CSMD1: variants seen among roughly 807,000 people sequenced by gnomAD.
CSMD1 encodes the protein CUB and sushi domain-containing protein 1.
Under a neutral mutation model 417.5 loss-of-function variants are expected in CSMD1, and 213 were observed. The observed-to-expected ratio is 0.51, with a 90% CI of 0.46 to 0.57. The LOEUF (loss-of-function observed/expected upper bound fraction) is 0.57. CSMD1 is among the 20% of genes least tolerant of loss of function. CSMD1 has a pLI of 0.00. For missense variants in CSMD1, 6,923 were observed against 4,529.7 expected, an observed-to-expected ratio of 1.53 and a Z score of -15.17; for synonymous variants, 2,862 against 1,736.8, an observed-to-expected ratio of 1.65 and a Z score of -16.11.
At chr8:3,216,956 C>T (rs1563152036) in intron 29 of CSMD1, among the ~76,000 whole-genome samples, 1 of 152,184 alleles carries the variant, frequency 6.6e-6, no homozygotes, top group Admixed American at 6.5e-5. Flanking sequence ...TAGATGCAAT[C>T]ACTGCCCTAG....
At chr8:3,702,304 G>C (rs897548732) in intron 7 of CSMD1, 1 of 152,074 alleles carries the variant, frequency 6.6e-6, no homozygotes, top group Admixed American at 6.5e-5. Context: ...ATATCGAATT[G>C]GGCAAGTCAT....
intron 10 of CSMD1, among the ~76,000 whole-genome samples, chr8:3,550,895 C>T (rs901878546): frequency 1.3e-5 from 2 of 152,136 alleles, no homozygotes; most frequent in Non-Finnish European, 2.9e-5. Context: ...TGCTTCCACT[C>T]GAAAATAGGA....
intron 1 of CSMD1, among the ~76,000 whole-genome samples, chr8:4,876,277 C>T (rs1468183248): frequency 1.3e-5 from 2 of 152,020 alleles, no homozygotes; most frequent in Non-Finnish European, 2.9e-5. Flanking sequence ...AATTCATATG[C>T]TGCAATCATT....
In CSMD1 at chr8:3,782,388, C is replaced by T. The variant is rs186681968; in HGVS notation, c.819-28346G>A. 6.6e-5 allele frequency among the ~76,000 whole-genome samples: 10 copies of T among 152,160 alleles called. No individual in the cohort carries two copies. The East Asian group carries it at 1.4e-3, about 21-fold the overall frequency. Reference sequence around the variant, plus strand: ...AGTCAATCTTTAACCTGAATAATCACGATAAACTAAAAAATAGACTATAAA... The same window carrying T: ...AGTCAATCTTTAACCTGAATAATCATGATAAACTAAAAAATAGACTATAAA... On this transcript the variant is annotated intron_variant, in intron 5 of 69. Transcript: ENST00000635120.
chr8:4,600,208 G>C (rs1800509537), intron 2 of CSMD1, among the ~76,000 whole-genome samples: 1 of 119,708 alleles, frequency 8.4e-6, no homozygotes, highest in East Asian at 2.7e-4. Flanking sequence ...TTCCATATCT[G>C]GCCATGGACC....
At chr8:3,284,387 A>G in intron 25 of CSMD1, 41 bp from the exon 26 acceptor site, 2 of 1,486,028 alleles carry the variant, frequency 1.3e-6, no homozygotes, top group Non-Finnish European at 1.9e-6. Flanking sequence ...CCGTGCATCG[A>G]GCATGTCCTG....
At chr8:4,070,439 G>A (rs889136709) in intron 3 of CSMD1, among the ~76,000 whole-genome samples, 5 of 151,846 alleles carry the variant, frequency 3.3e-5, no homozygotes, top group Admixed American at 2.6e-4. Flanking sequence ...CTCACTGCAA[G>A]CTCCGCCTCC....
rs959381651 is a variant in CSMD1 at position 4,232,376 on chromosome 8, C to A, written c.415+187577G>T. Among the ~76,000 whole-genome samples the A allele has an allele frequency of 9.9e-5, 15 of 151,928 alleles. 1 individual carries two copies. The highest frequency in any genetic ancestry group is 3.3e-4 in the Admixed American group (5 of 15,238). ...ATTAAGCCTGACTAATTTTTGTATTCTTAGTAGAGACGGGGTTTCCCCACG... is the reference window on the plus strand; with the variant it reads ...ATTAAGCCTGACTAATTTTTGTATTATTAGTAGAGACGGGGTTTCCCCACG... On this transcript the variant is annotated intron_variant, in intron 3 of 69. Coordinates refer to ENST00000635120, the MANE Select transcript of CSMD1 (RefSeq NM_033225.6).
intron 8 of CSMD1, among the ~76,000 whole-genome samples, chr8:3,595,704 G>A (rs577278949): frequency 6.6e-6 from 1 of 152,180 alleles, no homozygotes; most frequent in Non-Finnish European, 1.5e-5. Flanking sequence ...TTTTGTGTGA[G>A]GGAATTTGAT....
chr8:3,471,954 T>A (rs1347095457), intron 11 of CSMD1, among the ~76,000 whole-genome samples: 1 of 152,140 alleles, frequency 6.6e-6, no homozygotes, highest in Non-Finnish European at 1.5e-5. Flanking sequence ...TTTTCCCTTC[T>A]CCCTTTGGGA....
At chr8:4,126,749 T>G (rs905845018) in intron 3 of CSMD1, among the ~76,000 whole-genome samples, 2 of 152,132 alleles carry the variant, frequency 1.3e-5, no homozygotes, top group Non-Finnish European at 2.9e-5. Flanking sequence ...AACAAAAAAA[T>G]AAACATACAA....
chr8:4,167,212 G>A (rs369714131), intron 3 of CSMD1, among the ~76,000 whole-genome samples: 1 of 151,982 alleles, frequency 6.6e-6, no homozygotes, highest in Non-Finnish European at 1.5e-5. Flanking sequence ...ATTTTAACTT[G>A]GAAAATCCTG....
At chr8:4,973,778 A>G (rs1352715686) in intron 1 of CSMD1, among the ~76,000 whole-genome samples, 1 of 152,192 alleles carries the variant, frequency 6.6e-6, no homozygotes, top group Non-Finnish European at 1.5e-5. Flanking sequence ...GTAAAAGGGA[A>G]ACTTAGAATT....
At chr8:4,594,498 C>A (rs77912221) in intron 2 of CSMD1, among the ~76,000 whole-genome samples, 1 of 151,858 alleles carries the variant, frequency 6.6e-6, no homozygotes, top group Non-Finnish European at 1.5e-5. Context: ...CCACACCCAC[C>A]CTGAAATGAT....
chr8:3,260,834 A>G (rs1801006245), intron 26 of CSMD1, among the ~76,000 whole-genome samples: 1 of 150,004 alleles, frequency 6.7e-6, no homozygotes, highest in African/African-American at 2.5e-5. Context: ...GCTCTAAAAA[A>G]GACCCTGTGA....
intron 10 of CSMD1, among the ~76,000 whole-genome samples, chr8:3,509,232 C>A (rs187801464): frequency 6.6e-6 from 1 of 152,158 alleles, no homozygotes; most frequent in East Asian, 1.9e-4. Flanking sequence ...TTATCTGGAC[C>A]CCTTTACAAA....
intron 7 of CSMD1, among the ~76,000 whole-genome samples, chr8:3,654,210 G>A (rs75784708): frequency 1.3e-5 from 2 of 152,206 alleles, no homozygotes; most frequent in African/African-American, 2.4e-5. Flanking sequence ...TTTACCTTCA[G>A]TTTGACTGAA....
At chr8:4,698,065 G>A (rs1164262108) in intron 1 of CSMD1, among the ~76,000 whole-genome samples, 3 of 151,284 alleles carry the variant, frequency 2.0e-5, no homozygotes, top group African/African-American at 7.3e-5. Flanking sequence ...AAAATATTAA[G>A]TGAAGTTCCC....
At chr8:4,865,525 A>C (rs11136785) in intron 1 of CSMD1, among the ~76,000 whole-genome samples, 67,014 of 151,610 alleles carry the variant, frequency 0.44, 15,461 homozygotes, top group East Asian at 0.52. Context: ...AATATATTAG[A>C]AAATCACTTG....
Sources: gnomAD v4.1 joint callset for allele counts (sites outside exome capture counted in the v4.1 genomes callset) on GRCh38, gnomAD v4.1.1 for gene constraint, MANE v1.5 for transcripts, NCBI Gene and HGNC (gene_info 2026-07-23, HGNC 2026-07-21) for gene names.